TRPM3: variants seen among roughly 807,000 people sequenced by gnomAD.
TRPM3 encodes long transient receptor potential channel 3.
Under a neutral mutation model 181.2 loss-of-function variants are expected in TRPM3, and 77 were observed. The ratio of observed to expected loss-of-function variants is 0.42; its 90% CI spans 0.35 to 0.51. The LOEUF (loss-of-function observed/expected upper bound fraction) is 0.51, where lower values mean the gene tolerates loss of function less well. TRPM3 is among the 20% of genes least tolerant of loss of function. The probability of loss-of-function intolerance (pLI) is 0.01; values close to 1 mark genes in which losing one functional copy is unlikely to be tolerated. For missense variants in TRPM3, 1,759 were observed against 2,196.7 expected (o/e 0.80, Z 3.98); for synonymous variants, 745 against 796.4 (o/e 0.94, Z 1.09).
chr9:70,673,926 G>T (rs2063473396), intron 9 of TRPM3, among the ~76,000 whole-genome samples: 1 of 128,590 alleles, frequency 7.8e-6, no homozygotes, highest in African/African-American at 3.1e-5. Flanking sequence ...TCCAATCTGG[G>T]AGACCAGAGT....
At chr9:70,779,703 T>C (rs143196206) in intron 7 of TRPM3, among the ~76,000 whole-genome samples, 305 of 152,308 alleles carry the variant, frequency 2.0e-3, no homozygotes, top group African/African-American at 7.0e-3. Flanking sequence ...GTGATTTAAT[T>C]ACTATTTGGG....
intron 22 of TRPM3, among the ~76,000 whole-genome samples, chr9:70,572,403 C>A (rs2052678795): frequency 6.6e-6 from 1 of 152,168 alleles, no homozygotes; most frequent in Admixed American, 6.5e-5. Flanking sequence ...ACTGTTTGTA[C>A]ATTACTATTA....
At chr9:70,564,339 C>T (rs767207429) in intron 22 of TRPM3, among the ~76,000 whole-genome samples, 1 of 152,104 alleles carries the variant, frequency 6.6e-6, no homozygotes, top group Non-Finnish European at 1.5e-5. Context: ...CTCCCTGACA[C>T]GCAACAATAC....
At chr9:71,120,869 GTTAA>G (rs2073487324) in intron 1 of TRPM3, among the ~76,000 whole-genome samples, 1 of 152,150 alleles carries the variant, frequency 6.6e-6, no homozygotes. Context: ...TCCCAAAGAA[GTTAA>G]TTAATTCTGT....
At chr9:71,285,034 A>T (rs1408262131) in intron 1 of TRPM3, among the ~76,000 whole-genome samples, 1 of 152,220 alleles carries the variant, frequency 6.6e-6, no homozygotes, top group Non-Finnish European at 1.5e-5. Context: ...GCAAACATAG[A>T]ACAGGTAAAT....
intron 1 of TRPM3, among the ~76,000 whole-genome samples, chr9:71,240,863 C>A (rs1012619423): frequency 3.9e-5 from 6 of 151,980 alleles, no homozygotes; most frequent in African/African-American, 1.4e-4. Flanking sequence ...TAGGTCATGC[C>A]AGGGATAAAA....
chr9:71,186,938 T>A (rs1422146516), intron 1 of TRPM3, among the ~76,000 whole-genome samples: 2 of 152,050 alleles, frequency 1.3e-5, no homozygotes, highest in African/African-American at 2.4e-5. Flanking sequence ...CCCTAATAAT[T>A]AAAAACTCTT....
chr9:70,629,989 CA>C (rs1282935883), intron 12 of TRPM3, among the ~76,000 whole-genome samples: 1 of 152,228 alleles, frequency 6.6e-6, no homozygotes, highest in Admixed American at 6.5e-5. Context: ...AGGGGGATGG[CA>C]GCCTCAGTGC....
chr9:71,370,850 A>C (rs2092486970), intron 1 of TRPM3, among the ~76,000 whole-genome samples: 1 of 152,184 alleles, frequency 6.6e-6, no homozygotes. Flanking sequence ...GTTTCAAAAG[A>C]CTGGCTGACT....
chr9:70,891,021 T>C (rs1277760225), intron 1 of TRPM3, among the ~76,000 whole-genome samples: 1 of 148,478 alleles, frequency 6.7e-6, no homozygotes, highest in African/African-American at 2.5e-5. Context: ...GGGCCTGTCG[T>C]GGGGTGGGGA....
At chr9:71,310,505 G>C (rs12351732) in intron 1 of TRPM3, among the ~76,000 whole-genome samples, 6,665 of 152,032 alleles carry the variant, frequency 0.044, 335 homozygotes, top group African/African-American at 0.13. Context: ...GGCTCTTTTG[G>C]CTGGAAAGTA....
chr9:71,323,607 G>T lies in TRPM3; in HGVS notation c.183+123046C>A, dbSNP rs565449075. Reference sequence around the variant, plus strand: ...TGAACACTTCATTAGCTTGTCCTGAGAATTTGAACTGAGACAAAAAGAGGC... The same window carrying T: ...TGAACACTTCATTAGCTTGTCCTGATAATTTGAACTGAGACAAAAAGAGGC... On this transcript the variant is annotated intron_variant, in intron 1 of 24. Coordinates refer to the TRPM3 transcript ENST00000357533. Among the ~76,000 whole-genome samples, 13 of 152,168 alleles carry T rather than the reference G, an allele frequency of 8.5e-5. No individual in the cohort carries two copies. In the South Asian group the frequency reaches 2.5e-3, roughly 29 times the overall value.
At chr9:71,420,400 G>T (rs1316511651) in intron 1 of TRPM3, among the ~76,000 whole-genome samples, 1 of 151,890 alleles carries the variant, frequency 6.6e-6, no homozygotes, top group African/African-American at 2.4e-5. Flanking sequence ...ATAATAAAGA[G>T]AAAGCTAGCA....
chr9:70,573,560 A>G (rs1196329747), intron 22 of TRPM3, among the ~76,000 whole-genome samples: 1 of 152,164 alleles, frequency 6.6e-6, no homozygotes, highest in East Asian at 1.9e-4. Context: ...TCTCAATGTC[A>G]ATGATGCCCC....
chr9:71,018,499 C>G (rs2097805724), intron 1 of TRPM3, among the ~76,000 whole-genome samples: 1 of 151,508 alleles, frequency 6.6e-6, no homozygotes, highest in Non-Finnish European at 1.5e-5. Context: ...CGTCATATAG[C>G]CAGCAGACAT....
At chr9:71,170,045 C>T (rs1383871155) in intron 1 of TRPM3, among the ~76,000 whole-genome samples, 4 of 148,498 alleles carry the variant, frequency 2.7e-5, no homozygotes, top group African/African-American at 9.9e-5. Flanking sequence ...GACTTTACTG[C>T]TTAATTTCTA....
At chr9:70,852,043 C>CAGGA (rs886155892) in intron 3 of TRPM3, among the ~76,000 whole-genome samples, 40 of 146,212 alleles carry the variant, frequency 2.7e-4, no homozygotes, top group Middle Eastern at 3.8e-3. Context: ...CACTTGAACC[C>CAGGA]AGGAGGTGGA....
chr9:71,186,345 C>G lies in TRPM3; in HGVS notation c.183+260308G>C, dbSNP rs140391758. ...AAACATTTCAGAAATTAACTATAGC[C>G]AATGCATTTAAACTATCTGCCAACT... On this transcript the variant is annotated intron_variant, in intron 1 of 24. Coordinates refer to the TRPM3 transcript ENST00000357533. Among the ~76,000 whole-genome samples, 255 of 152,142 alleles carry G rather than the reference C, an allele frequency of 1.7e-3. 1 individual carries two copies. The highest frequency in any genetic ancestry group is 6.0e-3 in the African/African-American group (250 of 41,520).
chr9:70,690,036 T>C (rs908399765), intron 8 of TRPM3, among the ~76,000 whole-genome samples: 11 of 152,126 alleles, frequency 7.2e-5, no homozygotes, highest in Admixed American at 1.3e-4. Flanking sequence ...TATGCCACGG[T>C]GAGCAATGAA....
Sources: gnomAD v4.1 joint callset for allele counts (sites outside exome capture counted in the v4.1 genomes callset) on GRCh38, gnomAD v4.1.1 for gene constraint, MANE v1.5 for transcripts, NCBI Gene and HGNC (gene_info 2026-07-23, HGNC 2026-07-21) for gene names.